ZNF592: variants seen among roughly 807,000 people sequenced by gnomAD.
ZNF592 encodes zinc finger protein 592.
Under a neutral mutation model 80.3 loss-of-function variants are expected in ZNF592, and 11 were observed. The observed-to-expected ratio is 0.14, with a 90% CI of 0.09 to 0.23. The LOEUF is 0.23. ZNF592 is among the 10% of genes least tolerant of loss of function. The pLI is 1.00. For synonymous variants in ZNF592, 646 were observed against 640.3 expected (o/e 1.01, Z -0.13); for missense variants, 1,420 against 1,633.9 (o/e 0.87, Z 2.26).
At chr15:84,768,061 ATT>A (rs71135308) in intron 2 of ZNF592, among the ~76,000 whole-genome samples, 2 of 137,472 alleles carry the variant, frequency 1.5e-5, no homozygotes, top group African/African-American at 5.3e-5. Context: ...TTTAATTTTA[ATT>A]TTTTTTTTTT....
Position 84,798,814 on chromosome 15 carries a change from G to A in ZNF592, c.2963G>A (p.Cys988Tyr). The change falls in exon 8 of 11, where the codon TGC becomes TAC. Residue 988 changes from cysteine to tyrosine, a missense_variant. Cys to Tyr is a radical substitution (Grantham distance 194). Around this residue, in one of 7 missense-constraint regions of ZNF592, gnomAD observed 331 missense variants for 347.0 expected, o/e 0.95. Coordinates refer to ENST00000560079, the MANE Select transcript of ZNF592 (RefSeq NM_014630.3). The surrounding 1 kb of genome is among the most constrained non-coding windows in gnomAD (Gnocchi z 4.5). Reference sequence around the variant, plus strand: ...AACACTGGCTGGACCTGCCAGGAGTGCCAGGAGTGGGTTCCAGATCGGGAG... The same window carrying A: ...AACACTGGCTGGACCTGCCAGGAGTACCAGGAGTGGGTTCCAGATCGGGAG... ...LRNTGWTCQE[C>Y]QEWVPDRESY... 1.2e-6 allele frequency: 2 copies of A among 1,601,014 alleles called. No homozygotes were observed. Among genetic ancestry groups the A allele is most frequent in the Non-Finnish European group, 1.7e-6 (2 of 1,179,720 alleles).
In ZNF592 at chr15:84,784,567, G is replaced by C. The variant is rs776056031; in HGVS notation, c.1892G>C (p.Ser631Thr). Reference sequence around the variant, plus strand: ...ACGCTGCTCTTCTTCAACAAGTGCAGCCTGCTCCGGCACGCCCGTGACCAC... The same window carrying C: ...ACGCTGCTCTTCTTCAACAAGTGCACCCTGCTCCGGCACGCCCGTGACCAC... ...SKTLLFFNKC[S>T]LLRHARDHKS... Residue 631 changes from serine (S) to threonine (T), a missense_variant, in exon 4 of 11, where the codon AGC becomes ACC. This residue lies in a region of ZNF592 where 524 missense variants were observed against 628.3 expected (regional missense o/e 0.83). Transcript: ENST00000560079. The surrounding 1 kb of genome is among the most constrained non-coding windows in gnomAD (Gnocchi z 5.8). 136 of 1,614,124 alleles carry C rather than the reference G, an allele frequency of 8.4e-5. No homozygotes were observed. In the South Asian group the frequency reaches 1.0e-3, roughly 12 times the overall value.
Position 84,793,309 on chromosome 15 carries a change from T to G in ZNF592, c.2399+2426T>G, listed in dbSNP as rs543160431. The stretch of plus-strand genomic sequence containing the variant: ...CCAGGCTGGTCTCAAACTCCTGACC[T>G]CAGGTGATCCACCTGGCTTGGCCTC... On this transcript the variant is annotated intron_variant, in intron 5 of 10. Transcript: ENST00000560079. Among the ~76,000 whole-genome samples the G allele has an allele frequency of 9.2e-5, 14 of 152,274 alleles. No individual in the cohort carries two copies. In the South Asian group the frequency reaches 2.9e-3, roughly 32 times the overall value.
At chr15:84,796,221 CAAAAAAAA>C (rs753718341) in intron 5 of ZNF592, among the ~76,000 whole-genome samples, 3 of 25,432 alleles carry the variant, frequency 1.2e-4, no homozygotes, top group African/African-American at 4.2e-4. Flanking sequence ...GACTCTGTCT[CAAAAAAAA>C]AAAAAAAAAA....
chr15:84,788,153 G>T (rs1175876299), intron 4 of ZNF592, among the ~76,000 whole-genome samples: 1 of 152,242 alleles, frequency 6.6e-6, no homozygotes, highest in African/African-American at 2.4e-5. Flanking sequence ...AGGGTGCTGC[G>T]TTCTTCCTGT....
chr15:84,777,007 A>G (rs1425042967), intron 2 of ZNF592, among the ~76,000 whole-genome samples: 1 of 152,114 alleles, frequency 6.6e-6, no homozygotes, highest in East Asian at 1.9e-4. Flanking sequence ...AGCTGAGATC[A>G]CGCCATTGCA....
In ZNF592 at chr15:84,768,300, C is replaced by T. The variant is rs547243884; in HGVS notation, c.-150+3485C>T. On this transcript the variant is annotated intron_variant, in intron 2 of 10. Transcript: ENST00000560079. ...GGCTGGAGACTGGAGTGCAGTGGCG[C>T]GATCCCAGCTCACTACAACCTCTGC... 1.0e-3 allele frequency among the ~76,000 whole-genome samples: 147 copies of T among 147,048 alleles called. 1 individual carries two copies. The highest frequency in any genetic ancestry group is 1.5e-3 in the Admixed American group (22 of 14,522).
rs942847672 is a variant in ZNF592 at position 84,786,920 on chromosome 15, G to A, written c.2220+2025G>A. Among the ~76,000 whole-genome samples the A allele has an allele frequency of 2.1e-5, 3 of 140,862 alleles. No homozygotes were observed. In the East Asian group the frequency reaches 6.2e-4, roughly 29 times the overall value. The allele number at this position is 140,862 out of a possible 152,430, so 92.4% of individuals were successfully genotyped here. Reference sequence around the variant, plus strand: ...GGATGGAGTGCAGTGGTGCGATCTCGGCCCACTGCAGCCTCTGCCTCCTGG... The same window carrying A: ...GGATGGAGTGCAGTGGTGCGATCTCAGCCCACTGCAGCCTCTGCCTCCTGG... On this transcript the variant is annotated intron_variant, in intron 4 of 10. Coordinates refer to ENST00000560079, the MANE Select transcript of ZNF592 (RefSeq NM_014630.3).
rs1293400903 is a variant in ZNF592 at position 84,783,010 on chromosome 15, C to G, written c.335C>G (p.Ser112Cys). 1 of 1,614,044 alleles carries G rather than the reference C, an allele frequency of 6.2e-7. No individual in the cohort carries two copies. The highest frequency in any genetic ancestry group is 1.3e-5 in the African/African-American group (1 of 74,928). ...PDPHNCGKFDSTFMNGDSARS... is the reference protein window; with the variant it reads ...PDPHNCGKFDCTFMNGDSARS... ...CCCCACAACTGTGGGAAATTTGATT[C>G]TACTTTTATGAATGGAGACAGTGCC... Residue 112 changes from serine to cysteine, a missense_variant, in exon 4 of 11, where the codon TCT becomes TGT. Ser to Cys is a moderately radical substitution (Grantham distance 112, BLOSUM62 -1). This residue lies in a region of ZNF592 where 373 missense variants were observed against 355.5 expected (regional missense o/e 1.05). Coordinates refer to ENST00000560079, the MANE Select transcript of ZNF592 (RefSeq NM_014630.3). This position sits in a 1 kb window ranked among gnomAD's most constrained non-coding sequence, Gnocchi z 5.0.
chr15:84,789,030 G>A (rs1025623958), intron 4 of ZNF592, among the ~76,000 whole-genome samples: 5 of 151,104 alleles, frequency 3.3e-5, no homozygotes, highest in African/African-American at 1.2e-4. Flanking sequence ...GGCCATCATG[G>A]TGAAACCCTG....
chr15:84,795,112 T>C (rs1199145787), intron 5 of ZNF592, among the ~76,000 whole-genome samples: 1 of 150,900 alleles, frequency 6.6e-6, no homozygotes, highest in East Asian at 1.9e-4. Flanking sequence ...ATGTATTTTA[T>C]GTAAAATATG....
chr15:84,760,790 C>T (rs1899327845), intron 1 of ZNF592, among the ~76,000 whole-genome samples: 1 of 152,110 alleles, frequency 6.6e-6, no homozygotes, highest in Admixed American at 6.5e-5. Context: ...CTGTTCCAGT[C>T]TCTATACCCC....
At chr15:84,775,779 C>T (rs534017366) in intron 2 of ZNF592, among the ~76,000 whole-genome samples, 72 of 152,290 alleles carry the variant, frequency 4.7e-4, no homozygotes, top group Non-Finnish European at 7.6e-4. Flanking sequence ...GGTGATTCGG[C>T]ATGCTGAGGC....
At chr15:84,748,869 C>T (rs945508574) in intron 1 of ZNF592, among the ~76,000 whole-genome samples, 22 of 148,160 alleles carry the variant, frequency 1.5e-4, no homozygotes, top group African/African-American at 4.9e-4. Flanking sequence ...CCCCACCCCG[C>T]CCCCGGCCGT....
At chr15:84,768,013 A>G (rs1251570260) in intron 2 of ZNF592, among the ~76,000 whole-genome samples, 1 of 151,438 alleles carries the variant, frequency 6.6e-6, no homozygotes, top group African/African-American at 2.4e-5. Flanking sequence ...AGTAGCTGGG[A>G]CTACAGACAT....
At chr15:84,795,243 GATT>G (rs1962864192) in intron 5 of ZNF592, among the ~76,000 whole-genome samples, 1 of 152,082 alleles carries the variant, frequency 6.6e-6, no homozygotes, top group Non-Finnish European at 1.5e-5. Flanking sequence ...TCTTATTTGT[GATT>G]ATTAAAGTTA....
intron 10 of ZNF592, 58 bp from the exon 11 acceptor site, chr15:84,801,805 C>T: frequency 6.2e-7 from 1 of 1,613,714 alleles, no homozygotes; most frequent in South Asian, 1.1e-5. Flanking sequence ...ATGGTTATGT[C>T]TAGGGGCTCA....
intron 5 of ZNF592, among the ~76,000 whole-genome samples, chr15:84,792,670 A>C (rs1252721523): frequency 2.0e-5 from 3 of 152,042 alleles, no homozygotes; most frequent in Non-Finnish European, 2.9e-5. Flanking sequence ...CAGGCTGGTC[A>C]CATAACTCCT....
chr15:84,765,523 CTTG>C lies in ZNF592; in HGVS notation c.-150+711_-150+713del, dbSNP rs1196317727. ...TGATTTCTCCACATCCTCACTAGCACTTGTTATTATTGTTTTTTTTTTTTTTTT... is the reference window on the plus strand; with the variant it reads ...TGATTTCTCCACATCCTCACTAGCACTTATTATTGTTTTTTTTTTTTTTTT... On this transcript the variant is annotated intron_variant, in intron 2 of 10. Transcript: ENST00000560079. Among the ~76,000 whole-genome samples, 12 of 134,638 alleles carry C rather than the reference CTTG, an allele frequency of 8.9e-5. No homozygotes were observed. The East Asian group carries it at 2.7e-3, about 31-fold the overall frequency. The allele number at this position is 134,638 out of a possible 152,430, so 88.3% of individuals were successfully genotyped here.
Sources: gnomAD v4.1 joint callset for allele counts (sites outside exome capture counted in the v4.1 genomes callset) on GRCh38, gnomAD v4.1.1 for gene constraint, gnomAD v4.1.1 regional missense constraint, Gnocchi (gnomAD v3.1) non-coding constraint, MANE v1.5 for transcripts, NCBI Gene and HGNC (gene_info 2026-07-23, HGNC 2026-07-21) for gene names.